The following GALNT9 variants were observed in gnomAD, a reference collection of about 807,000 sequenced individuals.
GALNT9 encodes polypeptide N-acetylgalactosaminyltransferase 9, also known as GalNAc transferase 9.
GALNT9 carries 47 observed loss-of-function variants against 63.1 expected under a neutral mutation model. The observed-to-expected ratio is 0.75, with a 90% CI of 0.59 to 0.95. The LOEUF is 0.95. Among genes scored for constraint, GALNT9 ranks in the 40% least tolerant of loss-of-function variants. The pLI is 0.00. For missense variants in GALNT9, 829 were observed against 874.8 expected, an observed-to-expected ratio of 0.95 and a Z score of 0.66; for synonymous variants, 396 against 365.7, an observed-to-expected ratio of 1.08 and a Z score of -0.94.
chr12:132,240,980 ACGC>A (rs2135530033), intron 6 of GALNT9, among the ~76,000 whole-genome samples: 7 of 140,636 alleles, frequency 5.0e-5, no homozygotes, highest in Admixed American at 1.4e-4. Flanking sequence ...CATTACACAC[ACGC>A]CACACCCCCT....
At chr12:132,202,912 G>A (rs1320536070) in intron 7 of GALNT9, among the ~76,000 whole-genome samples, 4 of 152,120 alleles carry the variant, frequency 2.6e-5, no homozygotes, top group African/African-American at 7.2e-5. Context: ...ACTTGAAGCG[G>A]GTCAGCCACT....
At chr12:132,308,816 C>T (rs1379412583) in intron 1 of GALNT9, among the ~76,000 whole-genome samples, 1 of 151,936 alleles carries the variant, frequency 6.6e-6, no homozygotes, top group Non-Finnish European at 1.5e-5. Context: ...GTGCACCGGC[C>T]GTCCTCACAC....
chr12:132,213,900 G>A (rs566872493), intron 6 of GALNT9, among the ~76,000 whole-genome samples: 4 of 152,320 alleles, frequency 2.6e-5, no homozygotes, highest in East Asian at 3.9e-4. Context: ...AGAACAGCCC[G>A]GTCACGGAGC....
At chr12:132,227,387 G>A (rs942187530) in intron 6 of GALNT9, among the ~76,000 whole-genome samples, 44 of 152,082 alleles carry the variant, frequency 2.9e-4, no homozygotes, top group Admixed American at 1.8e-3. Flanking sequence ...CCTGCTGGCC[G>A]CAGCTCCCTC....
Position 132,286,125 on chromosome 12 carries a change from C to A in GALNT9, c.419+125G>T. The A allele has an allele frequency of 1.6e-6, 2 of 1,231,778 alleles. No individual in the cohort carries two copies. Among genetic ancestry groups the A allele is most frequent in the African/African-American group, 1.6e-5 (1 of 63,220 alleles). 76.3% of individuals were successfully genotyped at this position (1,231,778 alleles called of 1,614,324 possible). A position where few individuals can be genotyped will look rare whatever the true frequency, so the allele number is the denominator to read the frequency against. On this transcript the variant is annotated intron_variant, in intron 2 of 10. Transcript: ENST00000328957. This position sits in a 1 kb window ranked among gnomAD's most constrained non-coding sequence, Gnocchi z 7.4. ...GGCGGGCGTGGGGGGCGGTCACTTC[C>A]CTGGCGGGCGTGGGGGCCGCTCACT...
chr12:132,198,427 C>CGGGGCTGGGGCT (rs57784041), intron 9 of GALNT9, among the ~76,000 whole-genome samples: 25,766 of 151,144 alleles, frequency 0.17, 2,322 homozygotes, highest in African/African-American at 0.19. Context: ...TGTGATTCTG[C>CGGGGCTGGGGCT]GGGGCTGGGG....
At chr12:132,269,173 C>T (rs1555240494) in intron 2 of GALNT9, among the ~76,000 whole-genome samples, 1 of 152,196 alleles carries the variant, frequency 6.6e-6, no homozygotes, top group Non-Finnish European at 1.5e-5. Flanking sequence ...GGACCCAGGG[C>T]GGCCTCAGCG....
chr12:132,240,314 C>A (rs2136898061), intron 6 of GALNT9, among the ~76,000 whole-genome samples: 1 of 152,142 alleles, frequency 6.6e-6, no homozygotes, highest in South Asian at 2.1e-4. Context: ...CCCGGCCCGG[C>A]TCTGGCCTCT....
intron 2 of GALNT9, among the ~76,000 whole-genome samples, chr12:132,266,481 G>A (rs1437722626): frequency 2.0e-5 from 3 of 152,372 alleles, no homozygotes; most frequent in East Asian, 3.9e-4. Flanking sequence ...GAGGGCAGAG[G>A]AAATGCAACA....
intron 6 of GALNT9, among the ~76,000 whole-genome samples, chr12:132,213,844 A>G (rs1034953184): frequency 3.3e-5 from 5 of 152,236 alleles, no homozygotes; most frequent in Middle Eastern, 3.2e-3. Flanking sequence ...AGCTGAAAGA[A>G]AGAGCCTCGA....
At chr12:132,300,192 C>T (rs1881239993) in intron 1 of GALNT9, among the ~76,000 whole-genome samples, 1 of 149,302 alleles carries the variant, frequency 6.7e-6, no homozygotes, top group South Asian at 2.2e-4. Flanking sequence ...CTAACCTGCT[C>T]CCACCACACC....
chr12:132,249,267 G>A (rs1461579194), intron 5 of GALNT9, among the ~76,000 whole-genome samples: 5 of 152,228 alleles, frequency 3.3e-5, no homozygotes, highest in Non-Finnish European at 5.9e-5. Context: ...CAGATGCCAC[G>A]GCAGGCCGCC....
rs986903268 is a variant in GALNT9, at chr12:132,319,709, G to A, written c.238+9257C>T. Among the ~76,000 whole-genome samples, 2 of 152,206 alleles carry A rather than the reference G, an allele frequency of 1.3e-5. No homozygotes were observed. The highest frequency in any genetic ancestry group is 1.9e-4 in the East Asian group (1 of 5,198). On this transcript the variant is annotated intron_variant, in intron 1 of 10. Coordinates refer to ENST00000328957, the MANE Select transcript of GALNT9 (RefSeq NM_001122636.2). The surrounding 1 kb of genome is among the most constrained non-coding windows in gnomAD (Gnocchi z 5.2). ...ACCCCACTCCGCCACACACACAGCT[G>A]TACCCGGCACAACACGCGGCCACAG... is the stretch of plus-strand genomic sequence containing the variant.
intron 7 of GALNT9, among the ~76,000 whole-genome samples, chr12:132,202,534 TAAG>T (rs1443861786): frequency 6.6e-6 from 1 of 152,170 alleles, no homozygotes; most frequent in Non-Finnish European, 1.5e-5. Context: ...TGGGAAGTTT[TAAG>T]AAGTAGTAAT....
rs965168925 is a variant in GALNT9 at position 132,286,478 on chromosome 12, C to A, written c.239-48G>T. On this transcript the variant is annotated intron_variant, in intron 1 of 10. Transcript: ENST00000328957. The surrounding 1 kb of genome is among the most constrained non-coding windows in gnomAD (Gnocchi z 7.4). ...GGTCAGGCAGGCCCAGGACACGCTG[C>A]GTCTGCACCCAGGAGACGCCCCTCC... The A allele has an allele frequency of 6.0e-6, 9 of 1,507,068 alleles. No homozygotes were observed. Among genetic ancestry groups the A allele is most frequent in the Non-Finnish European group, 8.0e-6 (9 of 1,126,852 alleles). 93.4% of individuals were successfully genotyped at this position (1,507,068 alleles called of 1,614,324 possible).
chr12:132,299,439 A>C (rs1427459949), intron 1 of GALNT9, among the ~76,000 whole-genome samples: 3 of 122,534 alleles, frequency 2.4e-5, no homozygotes, highest in Non-Finnish European at 3.4e-5. Context: ...TCCCATAACT[A>C]ACCCACTCCC....
At chr12:132,258,328 GCCACGCCCTGTTC>G (rs1879220817) in intron 4 of GALNT9, among the ~76,000 whole-genome samples, 2 of 152,200 alleles carry the variant, frequency 1.3e-5, no homozygotes, top group African/African-American at 4.8e-5. Context: ...TCTACTATGT[GCCACGCCCTGTTC>G]CCACAAATTG....
rs1356319683 is a variant in GALNT9 at position 132,329,577 on chromosome 12, G to A, written c.-374C>T. Among the ~76,000 whole-genome samples the A allele has an allele frequency of 6.8e-6, 1 of 146,964 alleles. No homozygotes were observed. The highest frequency in any genetic ancestry group is 6.7e-5 in the Admixed American group (1 of 14,848). ...CTGCCCGCCCCGCAGCCACCGCGCC[G>A]GTGCAGAGTGACGCGGCCTCACCTC... is the stretch of plus-strand genomic sequence containing the variant. On this transcript the variant is annotated 5_prime_UTR_variant, in exon 1 of 11. Coordinates refer to ENST00000328957, the MANE Select transcript of GALNT9 (RefSeq NM_001122636.2).
rs192063000 is a variant in GALNT9, at chr12:132,314,929, C to T, written c.238+14037G>A. 1.4e-3 allele frequency among the ~76,000 whole-genome samples: 208 copies of T among 152,316 alleles called. 1 individual carries two copies. The highest frequency in any genetic ancestry group is 4.8e-3 in the African/African-American group (201 of 41,566). Reference sequence around the variant, plus strand: ...AATGAGAAACCACAGTAACATCTGCCGAAGCAGCGCCATCACTTATCAAGC... The same window carrying T: ...AATGAGAAACCACAGTAACATCTGCTGAAGCAGCGCCATCACTTATCAAGC... On this transcript the variant is annotated intron_variant, in intron 1 of 10. Transcript: ENST00000328957.
Sources: allele counts gnomAD v4.1 joint callset (sites outside exome capture counted in the v4.1 genomes callset), GRCh38; gene constraint gnomAD v4.1.1; non-coding constraint Gnocchi (gnomAD v3.1); transcripts MANE v1.5; gene names NCBI Gene and HGNC (gene_info 2026-07-23, HGNC 2026-07-21).